Variants in RAB9A observed in about 807,000 individuals in gnomAD.
The protein encoded by RAB9A is RAB9A, member RAS oncogene family.
In RAB9A, 1 loss-of-function variant was observed where a neutral mutation model predicts 10.3. That is an observed-to-expected ratio of 0.10 (90% confidence interval 0.03 to 0.46). The LOEUF is 0.46. Ranked by LOEUF, RAB9A falls within the 20% of genes least tolerant of loss-of-function variation. The pLI is 0.96. For missense variants in RAB9A, 92 were observed against 150.3 expected (o/e 0.61, Z 2.03); for synonymous variants, 39 against 55.2 (o/e 0.71, Z 1.30).
chrX:13,689,407 G>C (rs1473245962), intron 1 of RAB9A, 119 bp downstream of exon 1: 1 of 112,095 alleles, frequency 8.9e-6, no homozygotes, highest in Non-Finnish European at 1.9e-5. Context: ...GGCTAGCGCG[G>C]GTCACAAGGC....
At chrX:13,694,193 C>A (rs368790080) in intron 1 of RAB9A, among the ~76,000 whole-genome samples, 9 of 111,444 alleles carry the variant, frequency 8.1e-5, no homozygotes, top group African/African-American at 2.9e-4. Context: ...AAAAGCCTTA[C>A]AGACCTCTGT....
intron 1 of RAB9A, among the ~76,000 whole-genome samples, chrX:13,699,476 C>T (rs2046163002): frequency 1.8e-5 from 2 of 112,394 alleles, no homozygotes; most frequent in Non-Finnish European, 3.8e-5. Flanking sequence ...TGTTGTGTGT[C>T]CCTCCCAGGG....
rs1488553318 is a variant in RAB9A, at chrX:13,689,250, G to C, written c.-154G>C. The C allele has an allele frequency of 3.5e-5, 4 of 113,249 alleles. No individual in the cohort carries two copies. The highest frequency in any genetic ancestry group is 1.3e-4 in the African/African-American group (4 of 31,236). The allele number at this position is 113,249 out of a possible 1,213,427, so 9.3% of individuals were successfully genotyped here. ...TGTCCTCATTGCGCCCAGACGGGCC[G>C]GCCCAGAGCTCCCGGGTCGTCTTTC... is the stretch of plus-strand genomic sequence containing the variant. On this transcript the variant is annotated 5_prime_UTR_variant, in exon 1 of 3. Transcript: ENST00000464506.
At chrX:13,702,542 C>T (rs932958469) in intron 1 of RAB9A, among the ~76,000 whole-genome samples, 1 of 111,958 alleles carries the variant, frequency 8.9e-6, no homozygotes, top group Non-Finnish European at 1.9e-5. Context: ...AATAGTTGGC[C>T]TGTGTTACAG....
At chrX:13,690,703 C>T (rs1455557697) in intron 1 of RAB9A, among the ~76,000 whole-genome samples, 2 of 111,684 alleles carry the variant, frequency 1.8e-5, no homozygotes, top group Non-Finnish European at 3.8e-5. Flanking sequence ...TTTTTTTAGC[C>T]TCCCCTCATT....
intron 1 of RAB9A, among the ~76,000 whole-genome samples, chrX:13,690,195 A>AAGCT (rs2046114301): frequency 8.9e-6 from 1 of 112,061 alleles, no homozygotes; most frequent in East Asian, 2.8e-4. Flanking sequence ...GTACTCTCAG[A>AAGCT]AGCTGTCCAG....
chrX:13,692,305 G>C (rs2046129245), intron 1 of RAB9A, among the ~76,000 whole-genome samples: 1 of 111,482 alleles, frequency 9.0e-6, no homozygotes, highest in African/African-American at 3.3e-5. Context: ...GTGAGACCTT[G>C]TCGCTAAAAA....
chrX:13,703,652 A>G (rs777435246), intron 1 of RAB9A, 162 bp from the exon 2 acceptor site: 31 of 111,697 alleles, frequency 2.8e-4, no homozygotes, highest in African/African-American at 9.1e-4. Context: ...ATTGAATTTG[A>G]TCTGTAGGAC....
intron 1 of RAB9A, among the ~76,000 whole-genome samples, chrX:13,701,242 G>A (rs1176955641): frequency 1.9e-5 from 2 of 103,863 alleles, no homozygotes; most frequent in African/African-American, 3.6e-5. Context: ...CGCCCCATCC[G>A]TTGACAACCA....
intron 1 of RAB9A, among the ~76,000 whole-genome samples, chrX:13,692,573 G>A (rs895209433): frequency 8.9e-6 from 1 of 112,052 alleles, no homozygotes; most frequent in Non-Finnish European, 1.9e-5. Context: ...AGAAAGAAAT[G>A]ATGAATTTTT....
intron 1 of RAB9A, among the ~76,000 whole-genome samples, chrX:13,691,986 T>TA (rs780106205): frequency 4.6e-5 from 5 of 107,830 alleles, no homozygotes; most frequent in South Asian, 8.1e-4. Flanking sequence ...AGGTGTTCAT[T>TA]AAAAAAAAGC....
intron 1 of RAB9A, among the ~76,000 whole-genome samples, chrX:13,689,726 G>A (rs1015467954): frequency 1.8e-5 from 2 of 111,491 alleles, no homozygotes; most frequent in Admixed American, 9.5e-5. Context: ...CTTGATTTTG[G>A]CGACCTCTGA....
intron 1 of RAB9A, among the ~76,000 whole-genome samples, chrX:13,701,137 A>G (rs1414358736): frequency 9.0e-6 from 1 of 110,883 alleles, no homozygotes; most frequent in Non-Finnish European, 1.9e-5. Context: ...TTGTACAACC[A>G]TCACTACTAT....
At chrX:13,695,812 G>A (rs1310541049) in intron 1 of RAB9A, among the ~76,000 whole-genome samples, 1 of 111,522 alleles carries the variant, frequency 9.0e-6, no homozygotes, top group Non-Finnish European at 1.9e-5. Context: ...CTGGAAACAG[G>A]TAAGGGTTTC....
At chrX:13,702,218 T>TA (rs1332405653) in intron 1 of RAB9A, among the ~76,000 whole-genome samples, 1 of 111,575 alleles carries the variant, frequency 9.0e-6, no homozygotes, top group Non-Finnish European at 1.9e-5. Flanking sequence ...TGGCAGGGCT[T>TA]TGGCATGGAT....
At position 13,709,379 on chromosome X, in the gene RAB9A, C is replaced by T; in HGVS notation, c.*27C>T. The T allele has an allele frequency of 8.5e-7, 1 of 1,172,615 alleles. No individual in the cohort carries two copies. On this transcript the variant is annotated 3_prime_UTR_variant, in exon 3 of 3. Transcript: ENST00000464506. ...TGTTAGATTGTTGATGCATTCTAAC[C>T]AACTCACACATATACACAAAATCAA...
At chrX:13,707,686 C>T (rs2046203842) in intron 2 of RAB9A, among the ~76,000 whole-genome samples, 1 of 112,244 alleles carries the variant, frequency 8.9e-6, no homozygotes, top group African/African-American at 3.2e-5. Context: ...CCTGAAAACA[C>T]ACAAGTAGCA....
chrX:13,692,402 T>TG (rs1470057016), intron 1 of RAB9A, among the ~76,000 whole-genome samples: 2 of 112,132 alleles, frequency 1.8e-5, no homozygotes, highest in Non-Finnish European at 3.8e-5. Flanking sequence ...TTAAATAAAA[T>TG]GGGGAAAACT....
chrX:13,697,703 A>G (rs1358911539), intron 1 of RAB9A, among the ~76,000 whole-genome samples: 2 of 111,842 alleles, frequency 1.8e-5, no homozygotes, highest in East Asian at 5.6e-4. Flanking sequence ...GAGCTACAGA[A>G]ATGGATCACA....
Sources: gnomAD v4.1 joint callset for allele counts (sites outside exome capture counted in the v4.1 genomes callset) on GRCh38, gnomAD v4.1.1 for gene constraint, MANE v1.5 for transcripts, NCBI Gene and HGNC (gene_info 2026-07-23, HGNC 2026-07-21) for gene names.